ERI1: variants seen among roughly 807,000 people sequenced by gnomAD.
ERI1 encodes the protein exoribonuclease 1.
A neutral mutation model predicts 39.7 loss-of-function variants in ERI1; 39 were observed. The observed-to-expected ratio is 0.98, with a 90% CI of 0.76 to 1.28. The LOEUF (loss-of-function observed/expected upper bound fraction) is 1.28, where lower values mean the gene tolerates loss of function less well. Among genes scored for constraint, ERI1 ranks in the 50% most tolerant of loss-of-function variants. The pLI is 0.00. For missense variants in ERI1, 581 were observed against 416.9 expected (o/e 1.39, Z -3.43); for synonymous variants, 204 against 149.6 (o/e 1.36, Z -2.65).
chr8:9,037,716 A>G (rs1271431291), downstream of ERI1, among the ~76,000 whole-genome samples: 2 of 152,156 alleles, frequency 1.3e-5, no homozygotes, highest in East Asian at 3.9e-4. Context: ...GCAGAGTTAC[A>G]GATAGGAGCT....
At chr8:9,054,061 A>G (rs552743782) in intron 3 of ERI1, among the ~76,000 whole-genome samples, 24 of 149,566 alleles carry the variant, frequency 1.6e-4, no homozygotes, top group African/African-American at 6.0e-4. Context: ...ACATTCACAT[A>G]TGAAGTTGAC....
At chr8:9,057,082 C>G (rs1401297294) in intron 3 of ERI1, among the ~76,000 whole-genome samples, 1 of 152,156 alleles carries the variant, frequency 6.6e-6, no homozygotes, top group African/African-American at 2.4e-5. Flanking sequence ...ATCTGCCTGC[C>G]TCGGCCTCCA....
At position 9,029,857 on chromosome 8, in the gene ERI1, G is replaced by C. The variant is rs34911286; in HGVS notation, c.873G>C (p.Arg291=). The part of the protein sequence containing the change: ...LEKLGMDYDG[R]PHCGLDDSKN... ...AATTAGGAATGGATTATGATGGGCG[G>C]CCTCACTGTGGTCTTGATGACTCTA... Residue 291 remains arginine, a synonymous_variant, in exon 7 of 7, where the codon CGG becomes CGC. Coordinates refer to ENST00000250263, the MANE Select transcript of ERI1 (RefSeq NM_153332.4). 3,112 of 1,614,138 alleles carry C rather than the reference G, an allele frequency of 1.9e-3. 41 individuals are homozygous for C. In the African/African-American group the frequency reaches 0.036, roughly 19 times the overall value.
chr8:9,022,875 C>T (rs1227780130), intron 6 of ERI1, among the ~76,000 whole-genome samples: 1 of 152,162 alleles, frequency 6.6e-6, no homozygotes, highest in African/African-American at 2.4e-5. Context: ...TTTCCTCTTC[C>T]TTATTATTTT....
At chr8:9,070,953 A>T (rs1585282465) in intron 3 of ERI1, among the ~76,000 whole-genome samples, 1 of 152,044 alleles carries the variant, frequency 6.6e-6, no homozygotes, top group South Asian at 2.1e-4. Flanking sequence ...TTACAAGGGC[A>T]CCCATGGCTG....
intron 3 of ERI1, among the ~76,000 whole-genome samples, chr8:9,012,352 T>C (rs891275367): frequency 4.6e-5 from 7 of 152,248 alleles, no homozygotes; most frequent in African/African-American, 1.7e-4. Flanking sequence ...GAAAGTCTAG[T>C]AGGAATTCCC....
rs557507386 is a variant in ERI1, at chr8:9,014,277, T to G, written c.499-2045T>G. On this transcript the variant is annotated intron_variant, in intron 3 of 6. Transcript: ENST00000250263. ...CTCCAGTTTTCTTAGCCAGAAGTCT[T>G]GCTGGCTGATGTTTTTCTCCTTCTC... 1.1e-4 allele frequency among the ~76,000 whole-genome samples: 16 copies of G among 152,364 alleles called. No individual in the cohort carries two copies. The South Asian group carries it at 2.9e-3, about 28-fold the overall frequency.
intron 3 of ERI1, among the ~76,000 whole-genome samples, chr8:9,059,024 G>T (rs1365879343): frequency 6.6e-6 from 1 of 152,092 alleles, no homozygotes; most frequent in Non-Finnish European, 1.5e-5. Flanking sequence ...AGCGAAGGGA[G>T]ATAGGGGTGG....
rs1797706002 is a variant in ERI1, at chr8:9,033,131, C to A, written c.*3097C>A. On this transcript the variant is annotated 3_prime_UTR_variant, in exon 7 of 7. Transcript: ENST00000250263. Reference sequence around the variant, plus strand: ...ACCTGTATATCAAGCCTCCTTGCCCCACAAAGCTTCCAAAGCCCGTAAATT... The same window carrying A: ...ACCTGTATATCAAGCCTCCTTGCCCAACAAAGCTTCCAAAGCCCGTAAATT... 6.6e-6 allele frequency: 1 copy of A among 152,150 alleles called. No homozygotes were observed. Among genetic ancestry groups the A allele is most frequent in the South Asian group, 2.1e-4 (1 of 4,818 alleles). The allele number at this position is 152,150 out of a possible 1,614,324, so 9.4% of individuals were successfully genotyped here. A position where few individuals can be genotyped will look rare whatever the true frequency, so the allele number is the denominator to read the frequency against.
At chr8:9,049,335 C>CAAAAAA (rs1798279662) in intron 3 of ERI1, among the ~76,000 whole-genome samples, 1 of 24,094 alleles carries the variant, frequency 4.2e-5, no homozygotes, top group Non-Finnish European at 7.1e-5. Flanking sequence ...GACTCCGTCT[C>CAAAAAA]CAAAAAAAAA....
chr8:9,074,244 T>C (rs1799139469), intron 3 of ERI1, among the ~76,000 whole-genome samples: 1 of 151,538 alleles, frequency 6.6e-6, no homozygotes, highest in Admixed American at 6.6e-5. Flanking sequence ...CCGAGTAGCC[T>C]GGATTACAGG....
At chr8:9,073,594 A>T (rs1799122134) in intron 3 of ERI1, among the ~76,000 whole-genome samples, 1 of 152,242 alleles carries the variant, frequency 6.6e-6, no homozygotes, top group African/African-American at 2.4e-5. Flanking sequence ...GGCTTTAAAA[A>T]ATGTTGCTGA....
At chr8:9,003,470 G>A (rs895123454) in intron 1 of ERI1, among the ~76,000 whole-genome samples, 1 of 152,194 alleles carries the variant, frequency 6.6e-6, no homozygotes, top group Non-Finnish European at 1.5e-5. Context: ...CACGGTTGCT[G>A]TTGTCACTCC....
chr8:9,069,241 G>A (rs185324521), intron 3 of ERI1, among the ~76,000 whole-genome samples: 1 of 152,322 alleles, frequency 6.6e-6, no homozygotes, highest in African/African-American at 2.4e-5. Flanking sequence ...GAATGTCTAG[G>A]AGGATCTTTT....
At chr8:9,082,299 G>A (rs1799395324) in intron 3 of ERI1, among the ~76,000 whole-genome samples, 1 of 152,146 alleles carries the variant, frequency 6.6e-6, no homozygotes, top group South Asian at 2.1e-4. Flanking sequence ...GTTGACTCAT[G>A]GTGTTTTATC....
At chr8:9,008,973 C>T (rs1279345534) in intron 2 of ERI1, 7 of 456,020 alleles carry the variant, frequency 1.5e-5, no homozygotes, top group African/African-American at 1.0e-4. Flanking sequence ...AGATTGTCTA[C>T]ATCATAATGT....
At chr8:9,019,318 G>T (rs1004530186) in intron 5 of ERI1, among the ~76,000 whole-genome samples, 7 of 152,326 alleles carry the variant, frequency 4.6e-5, no homozygotes, top group African/African-American at 7.2e-5. Context: ...AGGGTTTGGA[G>T]ATCCTCACAT....
rs1350294538 is a variant in ERI1 at position 9,010,616 on chromosome 8, G to GT, written c.288-926_288-925insT. Among the ~76,000 whole-genome samples the GT allele has an allele frequency of 1.8e-3, 280 of 152,062 alleles. 1 individual carries two copies. Among genetic ancestry groups the GT allele is most frequent in the African/African-American group, 6.5e-3 (268 of 41,486 alleles). On this transcript the variant is annotated intron_variant, in intron 2 of 6. Coordinates refer to ENST00000250263, the MANE Select transcript of ERI1 (RefSeq NM_153332.4). ...ATCAGTTAACATGATACTTTACTTG[G>GT]CACTACACATTAATTATAATTTAGA...
At chr8:9,096,963 T>C (rs1223887144) in intron 3 of ERI1, 4 of 152,052 alleles carry the variant, frequency 2.6e-5, no homozygotes, top group Non-Finnish European at 5.9e-5. Context: ...ATCCTAAATA[T>C]TGCCTTTATG....
Sources: gnomAD v4.1 joint callset for allele counts (sites outside exome capture counted in the v4.1 genomes callset) on GRCh38, gnomAD v4.1.1 for gene constraint, MANE v1.5 for transcripts, NCBI Gene and HGNC (gene_info 2026-07-23, HGNC 2026-07-21) for gene names.